The following UBE2O variants were observed in gnomAD, a reference collection of about 807,000 sequenced individuals.
The protein encoded by UBE2O is (E3-independent) E2 ubiquitin-conjugating enzyme.
UBE2O carries 15 observed loss-of-function variants against 125.8 expected under a neutral mutation model. The ratio of observed to expected loss-of-function variants is 0.12; its 90% CI spans 0.08 to 0.18. UBE2O has a LOEUF of 0.18. Ranked by LOEUF, UBE2O falls within the 10% of genes least tolerant of loss-of-function variation. The pLI, the probability that UBE2O is intolerant of heterozygous loss-of-function variation, is 1.00. For missense variants in UBE2O, 1,280 were observed against 1,723.6 expected (o/e 0.74, Z 4.56); for synonymous variants, 708 against 703.2 (o/e 1.01, Z -0.11).
rs748450877 is a variant in UBE2O at position 76,396,165 on chromosome 17, G to A, written c.2772C>T (p.Ala924=). ...CCAGTACGGAGAAGACCTCGCCCTT[G>A]GCGCTGGTGAAGGTGACGCCAGGCT... ...GGKPGVTFTS[A]KGEVFSVLEF... Residue 924 remains alanine, a synonymous_variant, in exon 14 of 18, where the codon GCC becomes GCT. Coordinates refer to ENST00000319380, the MANE Select transcript of UBE2O (RefSeq NM_022066.4). The surrounding 1 kb of genome is among the most constrained non-coding windows in gnomAD (Gnocchi z 6.7). 1.2e-6 allele frequency: 2 copies of A among 1,613,248 alleles called. No individual in the cohort carries two copies. The highest frequency in any genetic ancestry group is 1.7e-5 in the Admixed American group (1 of 59,984).
intron 5 of UBE2O, 129 bp downstream of exon 5, chr17:76,401,935 T>A: frequency 8.0e-6 from 5 of 624,082 alleles, no homozygotes; most frequent in Non-Finnish European, 1.3e-5. Flanking sequence ...TTTTAGACCC[T>A]CTGGCGCGCA....
intron 3 of UBE2O, among the ~76,000 whole-genome samples, chr17:76,403,372 G>A (rs1221563424): frequency 1.3e-5 from 2 of 151,994 alleles, no homozygotes; most frequent in African/African-American, 2.4e-5. Flanking sequence ...GGGCTCAAGC[G>A]ACTCTCCCAC....
Position 76,391,280 on chromosome 17 carries a change from CCGGAGTCTGACAGCT to C in UBE2O, c.3527_3541del (p.Glu1176_Ser1180del). ...CCCTCCATCCTCAGGTTCTTGTTGG[CCGGAGTCTGACAGCT>C]CGGCTACAGCTGGGGGCTCTGGCGA... On this transcript the variant is annotated inframe_deletion, in exon 18 of 18. Transcript: ENST00000319380. The surrounding 1 kb of genome is among the most constrained non-coding windows in gnomAD (Gnocchi z 8.4). 6.2e-7 allele frequency: 1 copy of C among 1,612,714 alleles called. No homozygotes were observed. The highest frequency in any genetic ancestry group is 8.5e-7 in the Non-Finnish European group (1 of 1,179,868).
At position 76,400,681 on chromosome 17, in the gene UBE2O, C is replaced by T. The variant is rs1354732140; in HGVS notation, c.895-131G>A. On this transcript the variant is annotated intron_variant, in intron 6 of 17. Coordinates refer to ENST00000319380, the MANE Select transcript of UBE2O (RefSeq NM_022066.4). The surrounding 1 kb of genome is among the most constrained non-coding windows in gnomAD (Gnocchi z 4.3). ...CCTAGTGCAGCACCAAGTACAGACA[C>T]ATCAGAGCAGGCCCCAACTGTAACC... 6 of 662,702 alleles carry T rather than the reference C, an allele frequency of 9.1e-6. No individual in the cohort carries two copies. The highest frequency in any genetic ancestry group is 3.8e-5 in the South Asian group (2 of 52,980). 41.1% of individuals were successfully genotyped at this position (662,702 alleles called of 1,614,324 possible).
intron 1 of UBE2O, among the ~76,000 whole-genome samples, chr17:76,431,744 C>A (rs1475272666): frequency 6.6e-6 from 1 of 152,154 alleles, no homozygotes; most frequent in Non-Finnish European, 1.5e-5. Context: ...GAGTTTGGGA[C>A]CAGCCTGGGC....
chr17:76,424,111 T>C lies in UBE2O; in HGVS notation c.418-18539A>G, dbSNP rs142646862. 6.4e-3 allele frequency among the ~76,000 whole-genome samples: 976 copies of C among 152,024 alleles called. 7 individuals are homozygous for C. Among genetic ancestry groups the C allele is most frequent in the African/African-American group, 0.022 (932 of 41,492 alleles). ...TTTTAGTAGAGACGGGGTTTCACCA[T>C]GTTAGCCAGGATGGTCTCGATCTCC... On this transcript the variant is annotated intron_variant, in intron 1 of 17. Transcript: ENST00000319380.
intron 1 of UBE2O, among the ~76,000 whole-genome samples, chr17:76,435,423 C>T (rs397832924): frequency 1.1e-4 from 10 of 93,600 alleles, no homozygotes; most frequent in Non-Finnish European, 1.5e-4. Context: ...CACATACACA[C>T]ACACACACAC....
At chr17:76,448,759 G>A (rs928451099) in intron 1 of UBE2O, among the ~76,000 whole-genome samples, 4 of 152,264 alleles carry the variant, frequency 2.6e-5, no homozygotes, top group Admixed American at 2.0e-4. Context: ...ACCATGACAG[G>A]TGGAGACCAG....
chr17:76,398,141 GC>G lies in UBE2O; in HGVS notation c.2025+113del. 6.9e-7 allele frequency: 1 copy of G among 1,440,648 alleles called. No individual in the cohort carries two copies. The allele number at this position is 1,440,648 out of a possible 1,614,324, so 89.2% of individuals were successfully genotyped here. ...GCAGCTGCCCTTCTGAGGACACTGA[GC>G]CCAGAGGACTTTCAGGTCTTGTCTC... On this transcript the variant is annotated intron_variant, in intron 12 of 17. Coordinates refer to ENST00000319380, the MANE Select transcript of UBE2O (RefSeq NM_022066.4). The surrounding 1 kb of genome is among the most constrained non-coding windows in gnomAD (Gnocchi z 5.4).
chr17:76,401,498 A>G lies in UBE2O; in HGVS notation c.751-344T>C, dbSNP rs575721997. Among the ~76,000 whole-genome samples the G allele has an allele frequency of 2.6e-4, 39 of 152,314 alleles. 1 individual carries two copies. Among genetic ancestry groups the G allele is most frequent in the African/African-American group, 8.7e-4 (36 of 41,568 alleles). ...TGTTTGCTGTGTGTGTCCATGTACT[A>G]TTGTAACTAACACATCATCCTGTAC... On this transcript the variant is annotated intron_variant, in intron 5 of 17. Transcript: ENST00000319380.
Position 76,400,995 on chromosome 17 carries a change from T to C in UBE2O, c.894+16A>G, listed in dbSNP as rs1267076874. 7.4e-6 allele frequency: 12 copies of C among 1,613,052 alleles called. No homozygotes were observed. The highest frequency in any genetic ancestry group is 1.0e-5 in the Non-Finnish European group (12 of 1,179,816). On this transcript the variant is annotated intron_variant, in intron 6 of 17. Coordinates refer to ENST00000319380, the MANE Select transcript of UBE2O (RefSeq NM_022066.4). The surrounding 1 kb of genome is among the most constrained non-coding windows in gnomAD (Gnocchi z 4.3). Reference sequence around the variant, plus strand: ...AGGTCAAGGACTCCATCTCCTACCCTTGGGCCCGGACCCACCTCTTCCACC... The same window carrying C: ...AGGTCAAGGACTCCATCTCCTACCCCTGGGCCCGGACCCACCTCTTCCACC...
chr17:76,429,445 G>A (rs989942747), intron 1 of UBE2O, among the ~76,000 whole-genome samples: 3 of 150,800 alleles, frequency 2.0e-5, no homozygotes, highest in African/African-American at 7.3e-5. Context: ...GGGAGGCTGA[G>A]GTGGGAGAAG....
At chr17:76,421,687 C>T (rs2072714735) in intron 1 of UBE2O, among the ~76,000 whole-genome samples, 1 of 152,132 alleles carries the variant, frequency 6.6e-6, no homozygotes, top group African/African-American at 2.4e-5. Flanking sequence ...TTTCTATTTT[C>T]CCAGGGATGG....
chr17:76,425,235 A>C (rs1352625065), intron 1 of UBE2O, among the ~76,000 whole-genome samples: 4 of 66,222 alleles, frequency 6.0e-5, no homozygotes, highest in African/African-American at 5.0e-4. Flanking sequence ...CAAAAAAAAA[A>C]AAAAAAAAAA....
At position 76,452,797 on chromosome 17, in the gene UBE2O, G is replaced by C. The variant is rs959155905; in HGVS notation, c.345C>G (p.Ser115Arg). Residue 115 changes from serine to arginine, a missense_variant, in exon 1 of 18, where the codon AGC becomes AGG. Around this residue, in one of 10 missense-constraint regions of UBE2O, gnomAD observed 188 missense variants for 192.5 expected, o/e 0.98. Coordinates refer to ENST00000319380, the MANE Select transcript of UBE2O (RefSeq NM_022066.4). This position sits in a 1 kb window ranked among gnomAD's most constrained non-coding sequence, Gnocchi z 4.4. ...CGCGCACGTAGCCGCGGCGCAGGGG[G>C]CTGGCCCGGCCCTCCTCGTGGCCCG... is the stretch of plus-strand genomic sequence containing the variant. ...GGAGHEEGRA[S>R]PLRRGYVRVQ... is the part of the protein sequence containing the mutation. The C allele has an allele frequency of 3.9e-6, 6 of 1,522,328 alleles. No individual in the cohort carries two copies. Among genetic ancestry groups the C allele is most frequent in the Non-Finnish European group, 5.3e-6 (6 of 1,139,718 alleles). The allele number at this position is 1,522,328 out of a possible 1,614,324, so 94.3% of individuals were successfully genotyped here.
At chr17:76,418,179 C>T (rs2072647183) in intron 1 of UBE2O, among the ~76,000 whole-genome samples, 1 of 152,188 alleles carries the variant, frequency 6.6e-6, no homozygotes, top group Admixed American at 6.5e-5. Flanking sequence ...ACATGTGAGA[C>T]CTGGAACCTC....
At chr17:76,426,884 G>T (rs2072822137) in intron 1 of UBE2O, among the ~76,000 whole-genome samples, 1 of 146,616 alleles carries the variant, frequency 6.8e-6, no homozygotes, top group Non-Finnish European at 1.5e-5. Flanking sequence ...TCTTCCCGAA[G>T]TACAGCGAAG....
Position 76,399,087 on chromosome 17 carries a change from G to T in UBE2O, c.1629-96C>A. On this transcript the variant is annotated intron_variant, in intron 9 of 17. Coordinates refer to ENST00000319380, the MANE Select transcript of UBE2O (RefSeq NM_022066.4). The surrounding 1 kb of genome is among the most constrained non-coding windows in gnomAD (Gnocchi z 6.9). ...TGTCCCTTCCTGTCCCTGTGGGCTTGGTAACCTGAAACTCTGAATCCCAGG... is the reference window on the plus strand; with the variant it reads ...TGTCCCTTCCTGTCCCTGTGGGCTTTGTAACCTGAAACTCTGAATCCCAGG... 1 of 1,470,056 alleles carries T rather than the reference G, an allele frequency of 6.8e-7. No individual in the cohort carries two copies. The highest frequency in any genetic ancestry group is 9.1e-7 in the Non-Finnish European group (1 of 1,099,552). The allele number at this position is 1,470,056 out of a possible 1,614,324, so 91.1% of individuals were successfully genotyped here. A position where few individuals can be genotyped will look rare whatever the true frequency, so the allele number is the denominator to read the frequency against.
Position 76,452,809 on chromosome 17 carries a change from C to G in UBE2O, c.333G>C (p.Glu111Asp), listed in dbSNP as rs1242211752. The G allele has an allele frequency of 1.3e-6, 2 of 1,516,012 alleles. No individual in the cohort carries two copies. Among genetic ancestry groups the G allele is most frequent in the Non-Finnish European group, 1.8e-6 (2 of 1,134,796 alleles). 93.9% of individuals were successfully genotyped at this position (1,516,012 alleles called of 1,614,324 possible). ...CGCGGCGCAGGGGGCTGGCCCGGCCCTCCTCGTGGCCCGCGCCCCCGGCCT... is the reference window on the plus strand; with the variant it reads ...CGCGGCGCAGGGGGCTGGCCCGGCCGTCCTCGTGGCCCGCGCCCCCGGCCT... ...CSEAGGAGHE[E>D]GRASPLRRGY... The change falls in exon 1 of 18, where the codon GAG (glutamate) becomes GAC (aspartate). Residue 111 changes from glutamate (E) to aspartate (D), a missense_variant. Glu to Asp is a conservative substitution (Grantham distance 45, BLOSUM62 2). This residue lies in a region of UBE2O where 188 missense variants were observed against 192.5 expected (regional missense o/e 0.98). Coordinates refer to ENST00000319380, the MANE Select transcript of UBE2O (RefSeq NM_022066.4). This position sits in a 1 kb window ranked among gnomAD's most constrained non-coding sequence, Gnocchi z 4.4.
Sources: gnomAD v4.1 joint callset for allele counts (sites outside exome capture counted in the v4.1 genomes callset) on GRCh38, gnomAD v4.1.1 for gene constraint, gnomAD v4.1.1 regional missense constraint, Gnocchi (gnomAD v3.1) non-coding constraint, MANE v1.5 for transcripts, NCBI Gene and HGNC (gene_info 2026-07-23, HGNC 2026-07-21) for gene names.